Variants in ZZZ3 observed in about 807,000 individuals in gnomAD.
ZZZ3 encodes the protein zinc finger ZZ-type containing 3.
In ZZZ3, 22 loss-of-function variants were observed where a neutral mutation model predicts 95.2. The observed-to-expected ratio is 0.23, with a 90% CI of 0.17 to 0.33. The LOEUF is 0.33. Ranked by LOEUF, ZZZ3 falls within the 10% of genes least tolerant of loss-of-function variation. The pLI is 1.00. For synonymous variants in ZZZ3, 335 were observed against 358.9 expected, an observed-to-expected ratio of 0.93 and a Z score of 0.75; for missense variants, 885 against 1,066.5, an observed-to-expected ratio of 0.83 and a Z score of 2.37.
intron 5 of ZZZ3, among the ~76,000 whole-genome samples, chr1:77,619,061 C>G (rs1353177113): frequency 2.0e-5 from 3 of 152,056 alleles, no homozygotes; most frequent in Non-Finnish European, 4.4e-5. Context: ...GAAAAAAACC[C>G]CTGACAACCA....
chr1:77,584,136 G>A (rs1215873072), intron 6 of ZZZ3, among the ~76,000 whole-genome samples: 1 of 152,110 alleles, frequency 6.6e-6, no homozygotes, highest in Non-Finnish European at 1.5e-5. Context: ...AAGTAGCCCA[G>A]AAACAGAAGT....
chr1:77,594,918 GCC>G (rs916642632), intron 5 of ZZZ3, among the ~76,000 whole-genome samples: 15 of 115,370 alleles, frequency 1.3e-4, no homozygotes, highest in Non-Finnish European at 1.9e-4. Context: ...GCCTTGACAG[GCC>G]CAAAAAAAAA....
At chr1:77,610,765 G>T (rs771203469) in intron 5 of ZZZ3, among the ~76,000 whole-genome samples, 1 of 150,748 alleles carries the variant, frequency 6.6e-6, no homozygotes, top group Non-Finnish European at 1.5e-5. Flanking sequence ...ATCCCTTCAT[G>T]ATTAAAAAAA....
chr1:77,623,453 G>A (rs1176700760), intron 5 of ZZZ3, among the ~76,000 whole-genome samples: 1 of 151,918 alleles, frequency 6.6e-6, no homozygotes, highest in Non-Finnish European at 1.5e-5. Flanking sequence ...GTCCTCATAA[G>A]GCTAGAAACA....
At chr1:77,586,825 T>C (rs1225863956) in intron 5 of ZZZ3, among the ~76,000 whole-genome samples, 1 of 152,214 alleles carries the variant, frequency 6.6e-6, no homozygotes, top group Non-Finnish European at 1.5e-5. Context: ...GATTACCATA[T>C]ATATCCATGA....
At chr1:77,577,943 T>C (rs1662131545) in intron 11 of ZZZ3, among the ~76,000 whole-genome samples, 1 of 152,094 alleles carries the variant, frequency 6.6e-6, no homozygotes, top group African/African-American at 2.4e-5. Flanking sequence ...TTTAATGTAG[T>C]GTCCTGTTTG....
intron 4 of ZZZ3, among the ~76,000 whole-genome samples, chr1:77,637,668 T>C (rs1360391079): frequency 6.6e-6 from 1 of 151,962 alleles, no homozygotes; most frequent in East Asian, 1.9e-4. Context: ...TGTTAGAAAA[T>C]AAAAAATAAA....
At chr1:77,675,817 G>GA (rs1303777140) in intron 1 of ZZZ3, among the ~76,000 whole-genome samples, 3 of 151,704 alleles carry the variant, frequency 2.0e-5, no homozygotes, top group East Asian at 1.9e-4. Flanking sequence ...TTTCATAACA[G>GA]AAAAAAAGGC....
intron 6 of ZZZ3, among the ~76,000 whole-genome samples, chr1:77,582,629 T>C (rs1304378345): frequency 6.6e-6 from 1 of 150,692 alleles, no homozygotes; most frequent in Non-Finnish European, 1.5e-5. Context: ...AGTAGGAAAA[T>C]TTTTTTCCAA....
chr1:77,658,319 A>G (rs1222331473), intron 1 of ZZZ3, among the ~76,000 whole-genome samples: 2 of 152,094 alleles, frequency 1.3e-5, no homozygotes. Flanking sequence ...CTTAAGCCAC[A>G]TAATTAAGGG....
intron 1 of ZZZ3, among the ~76,000 whole-genome samples, chr1:77,680,765 C>T (rs1310440405): frequency 2.0e-5 from 3 of 152,044 alleles, no homozygotes; most frequent in Non-Finnish European, 4.4e-5. Context: ...CTGAAAAACT[C>T]CTATATAGTT....
At chr1:77,574,172 A>G (rs1256399994) in intron 12 of ZZZ3, among the ~76,000 whole-genome samples, 1 of 148,238 alleles carries the variant, frequency 6.7e-6, no homozygotes, top group Non-Finnish European at 1.5e-5. Context: ...ATAGATATAT[A>G]TAGATTTATA....
intron 11 of ZZZ3, among the ~76,000 whole-genome samples, chr1:77,577,786 A>G (rs1369209516): frequency 1.3e-5 from 2 of 152,138 alleles, no homozygotes; most frequent in African/African-American, 4.8e-5. Flanking sequence ...ACACCCGGCT[A>G]ATTTTTGTAT....
intron 1 of ZZZ3, among the ~76,000 whole-genome samples, chr1:77,670,041 C>CA (rs1214151521): frequency 4.0e-5 from 6 of 148,760 alleles, no homozygotes; most frequent in Non-Finnish European, 7.4e-5. Flanking sequence ...CAAATTCCCC[C>CA]AAAAAACCTA....
rs146593009 is a variant in ZZZ3 at position 77,632,620 on chromosome 1, C to T, written c.735G>A (p.Thr245=). 3.0e-5 allele frequency: 48 copies of T among 1,614,106 alleles called. No homozygotes were observed. The highest frequency in any genetic ancestry group is 4.4e-5 in the South Asian group (4 of 91,086). The change falls in exon 5 of 15, where the codon ACG becomes ACA. Residue 245 remains threonine, a synonymous_variant. Coordinates refer to ENST00000370801, the MANE Select transcript of ZZZ3 (RefSeq NM_015534.6). ...QEKSVAENGD[T]DTQTSMFLDS... ...CAAGGAACATTGAAGTTTGGGTATC[C>T]GTATCCCCATTTTCAGCTACTGATT...
chr1:77,667,186 T>C (rs932998865), intron 1 of ZZZ3, among the ~76,000 whole-genome samples: 6 of 152,224 alleles, frequency 3.9e-5, no homozygotes, highest in Non-Finnish European at 7.3e-5. Flanking sequence ...TTACTCAATA[T>C]TATTTTAGAA....
intron 12 of ZZZ3, among the ~76,000 whole-genome samples, chr1:77,575,843 A>C (rs1326355327): frequency 6.6e-6 from 1 of 152,226 alleles, no homozygotes; most frequent in Non-Finnish European, 1.5e-5. Context: ...TAGGGAGTAG[A>C]GATTAAAATA....
At chr1:77,584,479 T>C (rs1375808383) in intron 6 of ZZZ3, 38 bp downstream of exon 6, 43 of 1,566,464 alleles carry the variant, frequency 2.7e-5, no homozygotes, top group Non-Finnish European at 3.4e-5. Flanking sequence ...TATTCCCAAA[T>C]AGATCTTAGT....
chr1:77,658,215 G>C (rs1570630474), intron 1 of ZZZ3, among the ~76,000 whole-genome samples: 1 of 146,154 alleles, frequency 6.8e-6, no homozygotes. Flanking sequence ...CAACATACTA[G>C]TGTATTCTCT....
Sources: allele counts gnomAD v4.1 joint callset (sites outside exome capture counted in the v4.1 genomes callset), GRCh38; gene constraint gnomAD v4.1.1; transcripts MANE v1.5; gene names NCBI Gene and HGNC (gene_info 2026-07-23, HGNC 2026-07-21).